Variants in ULK1 observed in about 807,000 individuals in gnomAD.
The protein encoded by ULK1 is unc-51 like autophagy activating kinase 1.
A neutral mutation model predicts 117.5 loss-of-function variants in ULK1; 48 were observed. The ratio of observed to expected loss-of-function variants is 0.41; its 90% CI spans 0.32 to 0.52. The LOEUF is 0.52. ULK1 is among the 20% of genes least tolerant of loss of function. The pLI is 0.29. For missense variants in ULK1, 1,387 were observed against 1,473.4 expected, an observed-to-expected ratio of 0.94 and a Z score of 0.96; for synonymous variants, 790 against 637.8, an observed-to-expected ratio of 1.24 and a Z score of -3.60.
chr12:131,915,775 A>G (rs1487319860), intron 18 of ULK1, 116 bp from the exon 19 acceptor site: 9 of 1,429,652 alleles, frequency 6.3e-6, no homozygotes. Context: ...TCTCAACAAA[A>G]GAAAAAGAGT....
chr12:131,909,161 A>C lies in ULK1; in HGVS notation c.590A>C (p.His197Pro). ...YMAPEVIMSQHYDGKADLWSI... is the reference protein window; with the variant it reads ...YMAPEVIMSQPYDGKADLWSI... Reference sequence around the variant, plus strand: ...GCCCCCGAGGTCATCATGTCCCAGCACTACGACGGGAAGGCGGACCTGTGG... The same window carrying C: ...GCCCCCGAGGTCATCATGTCCCAGCCCTACGACGGGAAGGCGGACCTGTGG... The change falls in exon 8 of 28, where the codon CAC (histidine) becomes CCC (proline). Residue 197 changes from histidine (H) to proline (P), a missense_variant. By Grantham distance (77) the His-to-Pro change is moderately conservative. Coordinates refer to ENST00000321867, the MANE Select transcript of ULK1 (RefSeq NM_003565.4). 1 of 1,609,842 alleles carries C rather than the reference A, an allele frequency of 6.2e-7. No individual in the cohort carries two copies. The highest frequency in any genetic ancestry group is 8.5e-7 in the Non-Finnish European group (1 of 1,178,646).
At position 131,895,763 on chromosome 12, in the gene ULK1, A is replaced by T; in HGVS notation, c.205-20A>T. 1 of 1,614,052 alleles carries T rather than the reference A, an allele frequency of 6.2e-7. No homozygotes were observed. Among genetic ancestry groups the T allele is most frequent in the Non-Finnish European group, 8.5e-7 (1 of 1,179,974 alleles). On this transcript the variant is annotated intron_variant, in intron 2 of 27. Transcript: ENST00000321867. ...AGCCCCCCTCCCCACACTGATAACAAACTTGGGTTTCTGTCCTAGGAACTG... is the reference window on the plus strand; with the variant it reads ...AGCCCCCCTCCCCACACTGATAACATACTTGGGTTTCTGTCCTAGGAACTG...
At chr12:131,920,467 G>C (rs1327594635) in intron 26 of ULK1, 1 of 335,384 alleles carries the variant, frequency 3.0e-6, no homozygotes, top group African/African-American at 2.1e-5. Flanking sequence ...CGGACAACCT[G>C]CCTGGAAGTG....
At chr12:131,899,102 C>A (rs541296571) in intron 3 of ULK1, among the ~76,000 whole-genome samples, 1 of 151,382 alleles carries the variant, frequency 6.6e-6, no homozygotes, top group Admixed American at 6.6e-5. Context: ...TGATCTTGAA[C>A]GCCGGACCTC....
intron 3 of ULK1, among the ~76,000 whole-genome samples, chr12:131,901,380 A>G (rs1889083160): frequency 6.6e-6 from 1 of 151,794 alleles, no homozygotes; most frequent in South Asian, 2.1e-4. Context: ...GAAAAAAATC[A>G]TGGGATAAAA....
intron 25 of ULK1, 71 bp downstream of exon 25, chr12:131,919,661 C>G: frequency 6.5e-7 from 1 of 1,532,636 alleles, no homozygotes; most frequent in Non-Finnish European, 8.9e-7. Context: ...GCCTGGGTGA[C>G]AGGGTAACAG....
In ULK1 at chr12:131,909,927, G is replaced by C. The variant is rs145126502; in HGVS notation, c.734G>C (p.Arg245Pro). ...GCCTCCTCTTGCCCCAGCATCCCCC[G>C]GGAGACCTCGGCCCCGCTGCGGCAG... is the stretch of plus-strand genomic sequence containing the variant. ...KNKTLVPTIP[R>P]ETSAPLRQLL... is the part of the protein sequence containing the mutation. The change falls in exon 10 of 28, where the codon CGG becomes CCG. Residue 245 changes from arginine to proline, a missense_variant. Coordinates refer to ENST00000321867, the MANE Select transcript of ULK1 (RefSeq NM_003565.4). The C allele has an allele frequency of 5.0e-5, 81 of 1,611,922 alleles. No homozygotes were observed. In the Middle Eastern group the frequency reaches 9.9e-4, roughly 20 times the overall value.
chr12:131,919,160 GC>G, intron 23 of ULK1, 51 bp from the exon 24 acceptor site: 2 of 1,542,572 alleles, frequency 1.3e-6, no homozygotes, highest in Non-Finnish European at 1.7e-6. Flanking sequence ...AGGGAGACAA[GC>G]CCCTTCCAAG....
Position 131,921,948 on chromosome 12 carries a change from C to A in ULK1, c.*587C>A. On this transcript the variant is annotated 3_prime_UTR_variant, in exon 28 of 28. Transcript: ENST00000321867. ...CACATATGCAGACACATGCCAGGGC[C>A]CCCCAAGCCCGAGCACCGGACCACG... 1 of 456,348 alleles carries A rather than the reference C, an allele frequency of 2.2e-6. No individual in the cohort carries two copies. Among genetic ancestry groups the A allele is most frequent in the South Asian group, 1.5e-5 (1 of 64,566 alleles). The allele number at this position is 456,348 out of a possible 1,614,324, so 28.3% of individuals were successfully genotyped here.
At chr12:131,909,688 G>T in intron 8 of ULK1, 87 bp from the exon 9 acceptor site, 3 of 1,367,668 alleles carry the variant, frequency 2.2e-6, no homozygotes, top group African/African-American at 1.5e-5. Context: ...TGGGGCAGGG[G>T]CCGACTGGGG....
Position 131,909,809 on chromosome 12 carries a change from A to G in ULK1, c.701A>G (p.Glu234Gly). Residue 234 changes from glutamate (E) to glycine (G), a missense_variant, in exon 9 of 28, where the codon GAG becomes GGG. This residue lies in a region of ULK1 where 260 missense variants were observed against 271.6 expected (regional missense o/e 0.96). Transcript: ENST00000321867. ...SSPQDLRLFY[E>G]KNKTLVPTIP... is the part of the protein sequence containing the mutation. Reference sequence around the variant, plus strand: ...CCCCAGGACCTGCGCCTGTTCTACGAGAAGAACAAGACGTTGGTCCCCACG... The same window carrying G: ...CCCCAGGACCTGCGCCTGTTCTACGGGAAGAACAAGACGTTGGTCCCCACG... 1 of 1,611,172 alleles carries G rather than the reference A, an allele frequency of 6.2e-7. No individual in the cohort carries two copies. Among genetic ancestry groups the G allele is most frequent in the Non-Finnish European group, 8.5e-7 (1 of 1,179,348 alleles).
At chr12:131,900,165 G>A (rs1174523250) in intron 3 of ULK1, among the ~76,000 whole-genome samples, 1 of 150,202 alleles carries the variant, frequency 6.7e-6, no homozygotes, top group Non-Finnish European at 1.5e-5. Flanking sequence ...GGCATCTTGA[G>A]TATGTTAAGT....
intron 3 of ULK1, among the ~76,000 whole-genome samples, chr12:131,899,532 C>T (rs993518914): frequency 5.9e-5 from 9 of 151,918 alleles, no homozygotes; most frequent in Admixed American, 5.9e-4. Context: ...ACTCTCTTGC[C>T]CAGGCTGGAG....
chr12:131,914,605 T>G (rs934269610), intron 16 of ULK1, 128 bp downstream of exon 16: 5 of 1,249,410 alleles, frequency 4.0e-6, no homozygotes, highest in Admixed American at 6.0e-5. Flanking sequence ...ACTGCGTAAC[T>G]CAGCACCACC....
intron 18 of ULK1, 56 bp from the exon 19 acceptor site, chr12:131,915,835 G>A: frequency 6.3e-7 from 1 of 1,597,224 alleles, no homozygotes; most frequent in Non-Finnish European, 8.5e-7. Flanking sequence ...GTAGCAGTGG[G>A]GCCTAGGGCT....
At position 131,910,887 on chromosome 12, in the gene ULK1, G is replaced by A. The variant is rs1889505927; in HGVS notation, c.948+87G>A. 37 of 1,567,378 alleles carry A rather than the reference G, an allele frequency of 2.4e-5. No homozygotes were observed. The South Asian group carries it at 4.0e-4, about 17-fold the overall frequency. ...CCCTGGGCCCCCGCGGGGACGTGCT[G>A]TGACTTCTGTTGTCTGTGTGAGTCA... On this transcript the variant is annotated intron_variant, in intron 12 of 27. Transcript: ENST00000321867.
rs1452331303 is a variant in ULK1, at chr12:131,918,605, C to T, written c.2435C>T (p.Ala812Val). The T allele has an allele frequency of 5.0e-6, 8 of 1,610,324 alleles. No individual in the cohort carries two copies. The highest frequency in any genetic ancestry group is 1.7e-4 in the Middle Eastern group (1 of 6,060). ...LPAPGHGCSF[A>V]DPITANLEGA... ...GCTCCAGGACACGGCTGCAGCTTTG[C>T]CGACCCCATTACTGCGAACCTGGAG... The change falls in exon 23 of 28, where the codon GCC (alanine) becomes GTC (valine). Residue 812 changes from alanine to valine, a missense_variant. By Grantham distance (64) the Ala-to-Val change is moderately conservative (BLOSUM62 0). Around this residue, in one of 4 missense-constraint regions of ULK1, gnomAD observed 900 missense variants for 858.9 expected, o/e 1.05. Transcript: ENST00000321867.
In ULK1 at chr12:131,919,309, C is replaced by T. The variant is rs200365465; in HGVS notation, c.2609C>T (p.Ala870Val). 6.1e-5 allele frequency: 94 copies of T among 1,530,530 alleles called. No individual in the cohort carries two copies. In the Middle Eastern group the frequency reaches 1.2e-3, roughly 20 times the overall value. 94.8% of individuals were successfully genotyped at this position (1,530,530 alleles called of 1,614,324 possible). ...IAALKGSASE[A>V]AGGPEYQLQE... ...GCCCTGAAGGGCAGCGCCAGTGAGG[C>T]GGCGGGGGGCCCTGAGTACCAGCTG... Residue 870 changes from alanine to valine, a missense_variant, in exon 24 of 28, where the codon GCG (alanine) becomes GTG (valine). By Grantham distance (64) the Ala-to-Val change is moderately conservative. Transcript: ENST00000321867.
At chr12:131,920,309 C>T in intron 26 of ULK1, 173 bp downstream of exon 26, 1 of 846,672 alleles carries the variant, frequency 1.2e-6, no homozygotes. Flanking sequence ...GCGCTCGCAG[C>T]TCGGCTGGGT....
Sources: gnomAD v4.1 joint callset for allele counts (sites outside exome capture counted in the v4.1 genomes callset) on GRCh38, gnomAD v4.1.1 for gene constraint, gnomAD v4.1.1 regional missense constraint, MANE v1.5 for transcripts, NCBI Gene and HGNC (gene_info 2026-07-23, HGNC 2026-07-21) for gene names.